The following ESPNL variants were observed in gnomAD, a reference collection of about 807,000 sequenced individuals.
ESPNL encodes the protein espin-like protein.
Under a neutral mutation model 46.8 loss-of-function variants are expected in ESPNL, and 49 were observed. The observed-to-expected ratio is 1.05, with a 90% CI of 0.83 to 1.33. ESPNL has a LOEUF of 1.33. Ranked by LOEUF, ESPNL falls within the 40% of genes most tolerant of loss-of-function variation. ESPNL has a pLI of 0.00. For synonymous variants in ESPNL, 664 were observed against 662.1 expected (o/e 1.00, Z -0.04); for missense variants, 1,540 against 1,436.6 (o/e 1.07, Z -1.16).
At chr2:238,125,460 C>T (rs1692084790) in intron 6 of ESPNL, 76 bp downstream of exon 6, 1 of 852,086 alleles carries the variant, frequency 1.2e-6, no homozygotes, top group Non-Finnish European at 1.7e-6. Context: ...CCTCCGAGGT[C>T]CTGGACCGGT....
rs542359278 is a variant in ESPNL, at chr2:238,114,439, G to A, written c.856-2464G>A. 7.9e-5 allele frequency among the ~76,000 whole-genome samples: 12 copies of A among 152,072 alleles called. No individual in the cohort carries two copies. The highest frequency in any genetic ancestry group is 3.9e-4 in the East Asian group (2 of 5,170). On this transcript the variant is annotated intron_variant, in intron 4 of 8. Transcript: ENST00000343063. The surrounding 1 kb of genome is among the most constrained non-coding windows in gnomAD (Gnocchi z 5.0). ...GCCTCCACCCACCCACACACCCACC[G>A]CGCCCTGGCAAACCTTTGCCATTCC... is the stretch of plus-strand genomic sequence containing the variant.
intron 5 of ESPNL, among the ~76,000 whole-genome samples, chr2:238,121,697 C>A (rs35027418): frequency 0.18 from 26,870 of 152,300 alleles, 2,515 homozygotes; most frequent in East Asian, 0.24. Context: ...CGTACCCGGC[C>A]CAGAGCCTTG....
intron 1 of ESPNL, among the ~76,000 whole-genome samples, chr2:238,101,391 C>T (rs778840672): frequency 2.0e-5 from 3 of 152,240 alleles, no homozygotes; most frequent in Non-Finnish European, 2.9e-5. Flanking sequence ...CCCGGCCCAG[C>T]ATCCTGTTCC....
At chr2:238,121,215 G>A (rs933426758) in intron 5 of ESPNL, among the ~76,000 whole-genome samples, 3 of 152,214 alleles carry the variant, frequency 2.0e-5, no homozygotes, top group African/African-American at 7.2e-5. Flanking sequence ...TAGCCAAGGA[G>A]CTGGGATCCT....
chr2:238,125,411 C>A, intron 6 of ESPNL, 27 bp downstream of exon 6: 1 of 1,371,614 alleles, frequency 7.3e-7, no homozygotes. Context: ...AAGTGGGCCA[C>A]CCAGGGCATG....
chr2:238,109,857 T>A (rs1183233695), intron 4 of ESPNL, among the ~76,000 whole-genome samples: 3 of 151,970 alleles, frequency 2.0e-5, no homozygotes, highest in Admixed American at 2.0e-4. Context: ...CAGGATCCCA[T>A]TTAGGATGCC....
rs138802916 is a variant in ESPNL at position 238,130,516 on chromosome 2, G to T, written c.1802G>T (p.Arg601Leu). Reference protein sequence around the residue: ...FWCSHISRLVRSLSLLLKGVH... With the variant: ...FWCSHISRLVLSLSLLLKGVH... The stretch of plus-strand genomic sequence containing the variant: ...TGCAGCCACATCTCCCGCCTGGTAC[G>T]CAGCCTGTCCCTGCTGCTGAAGGGC... The change falls in exon 9 of 9, where the codon CGC becomes CTC. Residue 601 changes from arginine (R) to leucine (L), a missense_variant. Physicochemically the swap from Arg to Leu is moderately radical, Grantham distance 102 (BLOSUM62 -2). Coordinates refer to ENST00000343063, the MANE Select transcript of ESPNL (RefSeq NM_194312.4). 1 of 1,597,564 alleles carries T rather than the reference G, an allele frequency of 6.3e-7. No individual in the cohort carries two copies. Among genetic ancestry groups the T allele is most frequent in the South Asian group, 1.1e-5 (1 of 88,768 alleles).
intron 5 of ESPNL, among the ~76,000 whole-genome samples, chr2:238,119,397 G>A (rs561619883): frequency 1.6e-5 from 2 of 127,224 alleles, no homozygotes; most frequent in African/African-American, 6.2e-5. Context: ...TGCAGGAGGT[G>A]GATGGAGGAG....
rs769215356 is a variant in ESPNL, at chr2:238,130,273, G to C, written c.1559G>C (p.Arg520Pro). The C allele has an allele frequency of 1.2e-6, 2 of 1,607,418 alleles. No homozygotes were observed. The highest frequency in any genetic ancestry group is 2.2e-5 in the East Asian group (1 of 44,630). Residue 520 changes from arginine (R) to proline (P), a missense_variant, in exon 9 of 9, where the codon CGG (arginine) becomes CCG (proline). Arg to Pro is a moderately radical substitution (Grantham distance 103). Transcript: ENST00000343063. ...LEKQIADLQL[R>P]RRCQEYESEL... Reference sequence around the variant, plus strand: ...AAGCAGATTGCAGACCTGCAGCTTCGGCGCCGCTGTCAGGAGTATGAGAGT... The same window carrying C: ...AAGCAGATTGCAGACCTGCAGCTTCCGCGCCGCTGTCAGGAGTATGAGAGT...
chr2:238,129,149 G>A (rs1417805233), intron 8 of ESPNL: 33 of 1,399,454 alleles, frequency 2.4e-5, no homozygotes, highest in Non-Finnish European at 3.0e-5. Flanking sequence ...GCGGATTTGT[G>A]GCACATGCCT....
At position 238,107,828 on chromosome 2, in the gene ESPNL, A is replaced by G. The variant is rs904697609; in HGVS notation, c.710A>G (p.Asn237Ser). The change falls in exon 4 of 9, where the codon AAT becomes AGT. Residue 237 changes from asparagine (N) to serine (S), a missense_variant. By Grantham distance (46) the Asn-to-Ser change is conservative. Coordinates refer to ENST00000343063, the MANE Select transcript of ESPNL (RefSeq NM_194312.4). Reference protein sequence around the residue: ...FTDIGLTARDNEGATALHFAA... With the variant: ...FTDIGLTARDSEGATALHFAA... The stretch of plus-strand genomic sequence containing the variant: ...GACATCGGACTCACGGCACGGGACA[A>G]TGAGGGGGCCACGGCCCTGCACTTT... 1.9e-5 allele frequency: 31 copies of G among 1,605,648 alleles called. No homozygotes were observed. Among genetic ancestry groups the G allele is most frequent in the African/African-American group, 1.2e-4 (9 of 74,720 alleles).
chr2:238,124,487 A>C (rs1489468093), intron 5 of ESPNL, among the ~76,000 whole-genome samples: 1 of 152,288 alleles, frequency 6.6e-6, no homozygotes, highest in East Asian at 1.9e-4. Flanking sequence ...TCAGGGCTGA[A>C]GTTCCAGGCG....
At chr2:238,112,658 G>C (rs1691738556) in intron 4 of ESPNL, among the ~76,000 whole-genome samples, 1 of 151,956 alleles carries the variant, frequency 6.6e-6, no homozygotes, top group Non-Finnish European at 1.5e-5. Context: ...TCTAAGTACT[G>C]CTTTAGCTGT....
chr2:238,101,858 C>T (rs1005606147), intron 1 of ESPNL, 83 bp from the exon 2 acceptor site: 8 of 1,024,582 alleles, frequency 7.8e-6, no homozygotes, highest in Non-Finnish European at 1.2e-5. Flanking sequence ...GCAGTGTGAG[C>T]CCTCGCCCAG....
At chr2:238,115,174 C>CT (rs1006046543) in intron 4 of ESPNL, among the ~76,000 whole-genome samples, 49 of 152,182 alleles carry the variant, frequency 3.2e-4, no homozygotes, top group African/African-American at 1.1e-3. Flanking sequence ...GAGCAGGGCT[C>CT]TATCTTTTTG....
intron 4 of ESPNL, among the ~76,000 whole-genome samples, chr2:238,116,536 T>C (rs986839235): frequency 1.3e-5 from 2 of 151,994 alleles, no homozygotes; most frequent in African/African-American, 4.8e-5. Flanking sequence ...CTGAGCCTCG[T>C]CTCTTCACGT....
chr2:238,130,219 T>C lies in ESPNL; in HGVS notation c.1505T>C (p.Leu502Pro), dbSNP rs767790575. Residue 502 changes from leucine to proline, a missense_variant, in exon 9 of 9, where the codon CTG becomes CCG. Coordinates refer to ENST00000343063, the MANE Select transcript of ESPNL (RefSeq NM_194312.4). ...QAILGPFGEL[L>P]TEDDLVYLEK... Reference sequence around the variant, plus strand: ...ATCCTGGGGCCCTTTGGGGAGCTGCTGACAGAGGATGACCTGGTCTACCTG... The same window carrying C: ...ATCCTGGGGCCCTTTGGGGAGCTGCCGACAGAGGATGACCTGGTCTACCTG... 1.9e-5 allele frequency: 30 copies of C among 1,611,738 alleles called. 1 individual carries two copies. In the South Asian group the frequency reaches 3.1e-4, roughly 17 times the overall value.
chr2:238,119,511 GGGTGGAGGAGGGGA>G lies in ESPNL; in HGVS notation c.987+2479_987+2492del, dbSNP rs1283353636. 2.1e-5 allele frequency among the ~76,000 whole-genome samples: 3 copies of G among 144,992 alleles called. No individual in the cohort carries two copies. The East Asian group carries it at 6.4e-4, about 31-fold the overall frequency. ...GATGGAGGAGGTGGATGGAGGAGGT[GGGTGGAGGAGGGGA>G]GATGGAGGAGGTGGATGGAGGAGGT... On this transcript the variant is annotated intron_variant, in intron 5 of 8. Coordinates refer to ENST00000343063, the MANE Select transcript of ESPNL (RefSeq NM_194312.4).
intron 5 of ESPNL, among the ~76,000 whole-genome samples, chr2:238,124,758 AGAGTGTACATGCGTGTGTGCAG>A (rs1483534134): frequency 2.1e-5 from 3 of 142,376 alleles, no homozygotes; most frequent in Non-Finnish European, 4.6e-5. Context: ...TGTGTGCAGG[AGAGTGTACATGCGTGTGTGCAG>A]GAGAGTACGT....
Sources: allele counts gnomAD v4.1 joint callset (sites outside exome capture counted in the v4.1 genomes callset), GRCh38; gene constraint gnomAD v4.1.1; non-coding constraint Gnocchi (gnomAD v3.1); transcripts MANE v1.5; gene names NCBI Gene and HGNC (gene_info 2026-07-23, HGNC 2026-07-21).